CDH8: variants seen among roughly 807,000 people sequenced by gnomAD.
The protein encoded by CDH8 is cadherin-8.
CDH8 carries 17 observed loss-of-function variants against 68.1 expected under a neutral mutation model. That is an observed-to-expected ratio of 0.25 (90% CI 0.17 to 0.37). The LOEUF (loss-of-function observed/expected upper bound fraction) is 0.37, where lower values mean the gene tolerates loss of function less well. Ranked by LOEUF, CDH8 falls within the 10% of genes least tolerant of loss-of-function variation. The probability of loss-of-function intolerance (pLI) is 1.00; values close to 1 mark genes in which losing one functional copy is unlikely to be tolerated. For missense variants in CDH8, 763 were observed against 999.3 expected, an observed-to-expected ratio of 0.76 and a Z score of 3.19; for synonymous variants, 372 against 365.1, an observed-to-expected ratio of 1.02 and a Z score of -0.21.
At chr16:61,756,895 G>A (rs979559235) in intron 8 of CDH8, among the ~76,000 whole-genome samples, 9 of 152,110 alleles carry the variant, frequency 5.9e-5, no homozygotes, top group Admixed American at 4.6e-4. Flanking sequence ...ACTGCTGAAC[G>A]AATCCTAATC....
chr16:61,667,212 T>C (rs1396423237), intron 10 of CDH8: 1 of 151,972 alleles, frequency 6.6e-6, no homozygotes, highest in African/African-American at 2.4e-5. Context: ...ATCTCCATTT[T>C]TTTGGAGTGT....
Position 62,022,725 on chromosome 16 carries a change from A to C in CDH8, c.-199-1123T>G, listed in dbSNP as rs1035153466. Among the ~76,000 whole-genome samples, 21 of 152,296 alleles carry C rather than the reference A, an allele frequency of 1.4e-4. No homozygotes were observed. The East Asian group carries it at 4.1e-3, about 29-fold the overall frequency. ...TAGGTCTCTGGTTCCATTCTGGCTCAGAATAAGAAAGCTAGAAAGTCATTA... is the reference window on the plus strand; with the variant it reads ...TAGGTCTCTGGTTCCATTCTGGCTCCGAATAAGAAAGCTAGAAAGTCATTA... On this transcript the variant is annotated intron_variant, in intron 1 of 11. Coordinates refer to ENST00000577390, the MANE Select transcript of CDH8 (RefSeq NM_001796.5).
chr16:61,652,660 GATT>G lies in CDH8; in HGVS notation c.*945_*947del. On this transcript the variant is annotated 3_prime_UTR_variant, in exon 12 of 12. Transcript: ENST00000577390. ...TATATTTATATAAAACAATCTAAAG[GATT>G]ATTAATGGATATAATTTAGTTTTTT... 8.8e-7 allele frequency: 1 copy of G among 1,140,054 alleles called. No individual in the cohort carries two copies. Among genetic ancestry groups the G allele is most frequent in the South Asian group, 3.7e-5 (1 of 27,140 alleles). 70.6% of individuals were successfully genotyped at this position (1,140,054 alleles called of 1,614,324 possible).
At chr16:62,028,109 G>A (rs908391225) in intron 1 of CDH8, among the ~76,000 whole-genome samples, 8 of 141,604 alleles carry the variant, frequency 5.6e-5, no homozygotes, top group Non-Finnish European at 9.0e-5. Flanking sequence ...TTGTTGCCCA[G>A]GCTGGAGGGC....
chr16:61,666,213 T>TAC, intron 10 of CDH8, among the ~76,000 whole-genome samples: 1 of 148,150 alleles, frequency 6.7e-6, no homozygotes, highest in African/African-American at 2.4e-5. Context: ...TGTGTATATA[T>TAC]ATATATATGT....
intron 3 of CDH8, among the ~76,000 whole-genome samples, chr16:61,876,035 C>T (rs180829073): frequency 6.6e-6 from 1 of 152,144 alleles, no homozygotes; most frequent in Admixed American, 6.5e-5. Context: ...CGCCACCACA[C>T]CTGGCTAATT....
At chr16:61,697,856 G>C (rs980236233) in intron 10 of CDH8, among the ~76,000 whole-genome samples, 5 of 152,166 alleles carry the variant, frequency 3.3e-5, no homozygotes, top group African/African-American at 1.2e-4. Flanking sequence ...AGCCAGCATA[G>C]AGAAAATTAG....
intron 8 of CDH8, among the ~76,000 whole-genome samples, chr16:61,744,450 G>T (rs1004167953): frequency 2.0e-5 from 3 of 151,876 alleles, no homozygotes; most frequent in Non-Finnish European, 2.9e-5. Flanking sequence ...AATCATCTCA[G>T]TCTCTATTTA....
intron 10 of CDH8, among the ~76,000 whole-genome samples, chr16:61,669,124 G>A (rs1371597677): frequency 6.6e-6 from 1 of 151,894 alleles, no homozygotes; most frequent in Non-Finnish European, 1.5e-5. Flanking sequence ...GTTGAATCTC[G>A]TGATCTCCCT....
In CDH8 at chr16:61,688,267, T is replaced by C. The variant is rs16963821; in HGVS notation, c.1654+25574A>G. ...AATTTACATTCTGTTATTTCAACTC[T>C]GACACAAACCAAATATGTAACCATA... is the stretch of plus-strand genomic sequence containing the variant. On this transcript the variant is annotated intron_variant, in intron 10 of 11. Transcript: ENST00000577390. 9.4e-3 allele frequency among the ~76,000 whole-genome samples: 1,431 copies of C among 152,154 alleles called. 26 individuals are homozygous for C. Among genetic ancestry groups the C allele is most frequent in the African/African-American group, 0.033 (1,357 of 41,550 alleles).
chr16:61,934,036 G>A (rs1028516990), intron 2 of CDH8: 2 of 152,112 alleles, frequency 1.3e-5, no homozygotes, highest in Non-Finnish European at 2.9e-5. Flanking sequence ...AATGTGTTTG[G>A]ATGGTGCCGG....
At chr16:61,820,798 C>A in intron 6 of CDH8, 128 bp downstream of exon 6, 1 of 697,042 alleles carries the variant, frequency 1.4e-6, no homozygotes, top group South Asian at 2.0e-5. Context: ...GTTATCTTGT[C>A]TTACTGCTCA....
chr16:61,933,467 T>C (rs1433021698), intron 2 of CDH8, among the ~76,000 whole-genome samples: 1 of 152,220 alleles, frequency 6.6e-6, no homozygotes, highest in Non-Finnish European at 1.5e-5. Flanking sequence ...TGAAAATCAT[T>C]CACATTCCAG....
At chr16:61,696,776 C>A (rs1320957636) in intron 10 of CDH8, among the ~76,000 whole-genome samples, 1 of 152,152 alleles carries the variant, frequency 6.6e-6, no homozygotes, top group Non-Finnish European at 1.5e-5. Context: ...AGAATGAAAT[C>A]ATGTCCTTTG....
intron 8 of CDH8, among the ~76,000 whole-genome samples, chr16:61,728,006 T>C (rs1291060299): frequency 6.6e-6 from 1 of 151,066 alleles, no homozygotes; most frequent in Non-Finnish European, 1.5e-5. Context: ...TGGTTTTCAC[T>C]TGCAATAAAT....
intron 2 of CDH8, among the ~76,000 whole-genome samples, chr16:62,010,781 A>G (rs1901789320): frequency 6.6e-6 from 1 of 151,542 alleles, no homozygotes; most frequent in Non-Finnish European, 1.5e-5. Context: ...TCTACTAAAA[A>G]TACAAAAAAA....
At chr16:61,791,664 A>C (rs1485373306) in intron 7 of CDH8, among the ~76,000 whole-genome samples, 2 of 152,068 alleles carry the variant, frequency 1.3e-5, no homozygotes, top group Admixed American at 1.3e-4. Flanking sequence ...ATCCCAAATC[A>C]GAAACACATT....
intron 3 of CDH8, among the ~76,000 whole-genome samples, chr16:61,891,686 A>T (rs1597046001): frequency 6.6e-6 from 1 of 152,186 alleles, no homozygotes; most frequent in South Asian, 2.1e-4. Flanking sequence ...GAGTTTTGGA[A>T]CCACAGCTGC....
At chr16:61,744,337 T>C (rs1959958695) in intron 8 of CDH8, among the ~76,000 whole-genome samples, 1 of 152,122 alleles carries the variant, frequency 6.6e-6, no homozygotes, top group South Asian at 2.1e-4. Flanking sequence ...TAGTTATTTA[T>C]CATTATAACA....
Sources: allele counts gnomAD v4.1 joint callset (sites outside exome capture counted in the v4.1 genomes callset), GRCh38; gene constraint gnomAD v4.1.1; transcripts MANE v1.5; gene names NCBI Gene and HGNC (gene_info 2026-07-23, HGNC 2026-07-21).